The following MYH1 variants were observed in gnomAD, a reference collection of about 807,000 sequenced individuals.
The protein encoded by MYH1 is myosin-1.
MYH1 carries 214 observed loss-of-function variants against 225.6 expected under a neutral mutation model. The ratio of observed to expected loss-of-function variants is 0.95; its 90% CI spans 0.85 to 1.06. MYH1 has a LOEUF of 1.06. MYH1 is among the 50% of genes least tolerant of loss of function. The pLI is 0.00. For synonymous variants in MYH1, 774 were observed against 842.3 expected (o/e 0.92, Z 1.40); for missense variants, 2,098 against 2,344.2 (o/e 0.89, Z 2.17).
At position 10,497,899 on chromosome 17, in the gene MYH1, AC is replaced by A. The variant is rs1208609463; in HGVS notation, c.4199del (p.Arg1400LeufsTer9). 6.3e-7 allele frequency: 1 copy of A among 1,599,790 alleles called. No individual in the cohort carries two copies. Among genetic ancestry groups the A allele is most frequent in the East Asian group, 2.2e-5 (1 of 44,828 alleles). On this transcript the variant is annotated frameshift_variant, in exon 31 of 40. Coordinates refer to ENST00000226207, the MANE Select transcript of MYH1 (RefSeq NM_005963.4). LOFTEE classifies it high-confidence loss of function. ...LEEAKKKLAQ[R>X]LQDAEEHVEA... is the part of the protein sequence containing the mutation. ...CTACATGTTCCTCAGCATCCTGCAG[AC>A]GCTGAGCCAGCTTCTTCCTATGAAA...
intron 14 of MYH1, 116 bp from the exon 15 acceptor site, chr17:10,509,771 C>T: frequency 6.4e-7 from 1 of 1,551,984 alleles, no homozygotes; most frequent in Non-Finnish European, 8.8e-7. Flanking sequence ...TTTTGTCCTA[C>T]CTATACCTAC....
intron 17 of MYH1, 95 bp from the exon 18 acceptor site, chr17:10,506,194 A>T (rs937564617): frequency 2.0e-6 from 3 of 1,467,588 alleles, no homozygotes; most frequent in Non-Finnish European, 2.8e-6. Flanking sequence ...CAGTGGTTTA[A>T]TTCTAATGAA....
chr17:10,498,057 T>G, intron 30 of MYH1, 140 bp from the exon 31 acceptor site: 1 of 807,712 alleles, frequency 1.2e-6, no homozygotes, highest in Non-Finnish European at 1.9e-6. Flanking sequence ...AGTTCTATAT[T>G]AACTCATTCC....
At chr17:10,501,082 A>C in intron 27 of MYH1, 28 bp downstream of exon 27, 3 of 1,607,078 alleles carry the variant, frequency 1.9e-6, no homozygotes, top group Non-Finnish European at 2.6e-6. Context: ...CAAAAAACCA[A>C]ATAATCAATG....
chr17:10,499,177 A>G (rs2142260011), intron 28 of MYH1, 85 bp from the exon 29 acceptor site: 1 of 1,215,604 alleles, frequency 8.2e-7, no homozygotes, highest in East Asian at 2.3e-5. Flanking sequence ...AAAGGGAGCC[A>G]AGTTTGAAAC....
rs1379954176 is a variant in MYH1 at position 10,516,345 on chromosome 17, G to A, written c.205-3C>T. ...TGGTCATCTTTCACTGTTACAGTCTGTCCAGTCAAACAAGAGAGGCCAGAT... is the reference window on the plus strand; with the variant it reads ...TGGTCATCTTTCACTGTTACAGTCTATCCAGTCAAACAAGAGAGGCCAGAT... On this transcript the variant is annotated splice_region_variant and splice_polypyrimidine_tract_variant and intron_variant, in intron 3 of 39. Transcript: ENST00000226207. 29 of 1,614,032 alleles carry A rather than the reference G, an allele frequency of 1.8e-5. No homozygotes were observed. The East Asian group carries it at 6.5e-4, about 36-fold the overall frequency.
intron 24 of MYH1, 142 bp from the exon 25 acceptor site, chr17:10,502,053 G>T: frequency 3.5e-6 from 3 of 853,964 alleles, no homozygotes; most frequent in Non-Finnish European, 1.7e-6. Flanking sequence ...CATTCTCCTT[G>T]GTATTTACCT....
At chr17:10,513,026 T>C in intron 9 of MYH1, 61 bp from the exon 10 acceptor site, 1 of 1,182,092 alleles carries the variant, frequency 8.5e-7, no homozygotes, top group Non-Finnish European at 1.2e-6. Context: ...TGGAGTGATT[T>C]GAGGACTTGG....
intron 27 of MYH1, 26 bp from the exon 28 acceptor site, chr17:10,500,778 A>T (rs375962688): frequency 2.5e-5 from 41 of 1,613,944 alleles, no homozygotes; most frequent in African/African-American, 8.0e-5. Flanking sequence ...GGTAGAAGGC[A>T]TCTCAAGTAA....
In MYH1 at chr17:10,517,621, C is replaced by A. The variant is rs182767559; in HGVS notation, c.-41+619G>T. On this transcript the variant is annotated intron_variant, in intron 2 of 39. Coordinates refer to ENST00000226207, the MANE Select transcript of MYH1 (RefSeq NM_005963.4). ...TTTGGATACATTTCTCCCATTGAAA[C>A]TATGTTGACTCAGATAACATAATTA... Among the ~76,000 whole-genome samples, 409 of 152,196 alleles carry A rather than the reference C, an allele frequency of 2.7e-3. 1 individual carries two copies. The highest frequency in any genetic ancestry group is 9.6e-3 in the African/African-American group (399 of 41,530).
Position 10,501,597 on chromosome 17 carries a change from TAACTCCTTGA to T in MYH1, c.3335_3344del (p.Ile1112AsnfsTer53), listed in dbSNP as rs2073058388. The T allele has an allele frequency of 6.2e-7, 1 of 1,614,138 alleles. No individual in the cohort carries two copies. The highest frequency in any genetic ancestry group is 1.3e-5 in the African/African-American group (1 of 74,954). On this transcript the variant is annotated frameshift_variant, in exon 26 of 40. Transcript: ENST00000226207. LOFTEE classifies it high-confidence loss of function. ...TGGCGAAAATCATTTAACGTACTTG[TAACTCCTTGA>T]TTTTCTTCTGCAGCTGCATACCAAG...
chr17:10,492,961 G>A (rs1051128711), intron 39 of MYH1, among the ~76,000 whole-genome samples: 1 of 151,856 alleles, frequency 6.6e-6, no homozygotes, highest in Non-Finnish European at 1.5e-5. Flanking sequence ...TTGAATATAA[G>A]TTATTGCCAT....
intron 24 of MYH1, 44 bp downstream of exon 24, chr17:10,502,694 G>A: frequency 6.2e-7 from 1 of 1,613,554 alleles, no homozygotes; most frequent in East Asian, 2.2e-5. Context: ...TACTTAGTTT[G>A]TTACAAAATT....
At chr17:10,493,508 C>T (rs182890412) in intron 39 of MYH1, among the ~76,000 whole-genome samples, 486 of 152,226 alleles carry the variant, frequency 3.2e-3, no homozygotes, top group Non-Finnish European at 4.6e-3. Flanking sequence ...TCATGGGATA[C>T]GGAAATGAGA....
intron 33 of MYH1, 94 bp downstream of exon 33, chr17:10,496,975 A>G (rs1217860928): frequency 5.3e-6 from 8 of 1,514,004 alleles, no homozygotes; most frequent in Non-Finnish European, 7.1e-6. Context: ...TGGAGCAAAA[A>G]TTATTTTTCG....
At chr17:10,493,563 C>G (rs911236661) in intron 39 of MYH1, among the ~76,000 whole-genome samples, 3 of 152,166 alleles carry the variant, frequency 2.0e-5, no homozygotes, top group African/African-American at 7.2e-5. Context: ...ATAACCAAGA[C>G]CTTCTGAGTT....
chr17:10,515,837 G>GT (rs1417318538), intron 5 of MYH1, 89 bp downstream of exon 5: 21 of 1,602,442 alleles, frequency 1.3e-5, no homozygotes, highest in Admixed American at 5.1e-5. Context: ...CGTGAATTGG[G>GT]TTTTTTTCTA....
rs1485655656 is a variant in MYH1, at chr17:10,516,086, C to T, written c.349-4G>A. The T allele has an allele frequency of 4.3e-6, 7 of 1,613,912 alleles. No individual in the cohort carries two copies. The highest frequency in any genetic ancestry group is 5.9e-6 in the Non-Finnish European group (7 of 1,179,858). ...CACAGAACAAGCCTGAGTAGGTCTG[C>T]ACCCAAAACAAAAGGGAGGAACAGA... On this transcript the variant is annotated splice_region_variant and splice_polypyrimidine_tract_variant and intron_variant, in intron 4 of 39. Transcript: ENST00000226207.
In MYH1 at chr17:10,511,963, G is replaced by A; in HGVS notation, c.1292C>T (p.Ala431Val). The A allele has an allele frequency of 6.2e-7, 1 of 1,614,146 alleles. No individual in the cohort carries two copies. The highest frequency in any genetic ancestry group is 8.5e-7 in the Non-Finnish European group (1 of 1,180,020). Reference protein sequence around the residue: ...QQVYNAVGALAKAVYDKMFLW... With the variant: ...QQVYNAVGALVKAVYDKMFLW... The stretch of plus-strand genomic sequence containing the variant: ...GAACATCTTATCGTAGACAGCTTTG[G>A]CCAGAGCACCCACTGCATTGTACAC... The change falls in exon 14 of 40, where the codon GCC (alanine) becomes GTC (valine). Residue 431 changes from alanine (A) to valine (V), a missense_variant. Physicochemically the swap from Ala to Val is moderately conservative, Grantham distance 64. Coordinates refer to ENST00000226207, the MANE Select transcript of MYH1 (RefSeq NM_005963.4).
Sources: gnomAD v4.1 joint callset for allele counts (sites outside exome capture counted in the v4.1 genomes callset) on GRCh38, gnomAD v4.1.1 for gene constraint, MANE v1.5 for transcripts, NCBI Gene and HGNC (gene_info 2026-07-23, HGNC 2026-07-21) for gene names.